The following ABHD2 variants were observed in gnomAD, a reference collection of about 807,000 sequenced individuals.
The protein encoded by ABHD2 is abhydrolase domain containing 2, acylglycerol lipase, also known as monoacylglycerol lipase ABHD2.
A neutral mutation model predicts 48.1 loss-of-function variants in ABHD2; 20 were observed. The ratio of observed to expected loss-of-function variants is 0.42; its 90% CI spans 0.29 to 0.60. The LOEUF (loss-of-function observed/expected upper bound fraction) is 0.60, where lower values mean the gene tolerates loss of function less well. ABHD2 is among the 20% of genes least tolerant of loss of function. ABHD2 has a pLI of 0.24. For missense variants in ABHD2, 405 were observed against 550.9 expected (o/e 0.74, Z 2.65); for synonymous variants, 209 against 214.2 (o/e 0.98, Z 0.21).
rs984629964 is a variant in ABHD2 at position 89,129,104 on chromosome 15, C to T, written c.194+12583C>T. ...AGTTGTTTAGCTTGGGGCTTGTCCA[C>T]AGGATGTGCACAGGGTTATGTGCAA... On this transcript the variant is annotated intron_variant, in intron 3 of 10. Transcript: ENST00000352732. 2.6e-5 allele frequency among the ~76,000 whole-genome samples: 4 copies of T among 152,078 alleles called. No individual in the cohort carries two copies. The East Asian group carries it at 7.7e-4, about 29-fold the overall frequency.
chr15:89,112,135 G>C (rs929826388), intron 1 of ABHD2, among the ~76,000 whole-genome samples: 1 of 152,056 alleles, frequency 6.6e-6, no homozygotes. Flanking sequence ...GGAGTGGTGG[G>C]GACTGTGGCC....
In ABHD2 at chr15:89,168,709, A is replaced by G. The variant is rs746433373; in HGVS notation, c.539-7103A>G. Among the ~76,000 whole-genome samples, 9 of 152,224 alleles carry G rather than the reference A, an allele frequency of 5.9e-5. No homozygotes were observed. Among genetic ancestry groups the G allele is most frequent in the Non-Finnish European group, 1.0e-4 (7 of 68,034 alleles). ...AAATCTGAGTTTTGTAACTGTCCCA[A>G]TGACATCTGAACATCTGCTCTAGGT... On this transcript the variant is annotated intron_variant, in intron 5 of 10. Transcript: ENST00000352732. This position sits in a 1 kb window ranked among gnomAD's most constrained non-coding sequence, Gnocchi z 4.8.
Position 89,176,060 on chromosome 15 carries a change from C to T in ABHD2, c.722+65C>T. On this transcript the variant is annotated intron_variant, in intron 6 of 10. Coordinates refer to ENST00000352732, the MANE Select transcript of ABHD2 (RefSeq NM_152924.5). This position sits in a 1 kb window ranked among gnomAD's most constrained non-coding sequence, Gnocchi z 4.5. ...CCTTATTTATAGAGATGCCCCGACG[C>T]ACAACACACTGTTCTGTGAAGACCG... is the stretch of plus-strand genomic sequence containing the variant. 3.4e-6 allele frequency: 5 copies of T among 1,467,796 alleles called. No homozygotes were observed. Among genetic ancestry groups the T allele is most frequent in the Non-Finnish European group, 4.6e-6 (5 of 1,084,364 alleles). The allele number at this position is 1,467,796 out of a possible 1,614,324, so 90.9% of individuals were successfully genotyped here. A position where few individuals can be genotyped will look rare whatever the true frequency, so the allele number is the denominator to read the frequency against.
chr15:89,176,283 A>G lies in ABHD2; in HGVS notation c.722+288A>G, dbSNP rs187050535. Among the ~76,000 whole-genome samples, 10 of 152,178 alleles carry G rather than the reference A, an allele frequency of 6.6e-5. No homozygotes were observed. The highest frequency in any genetic ancestry group is 4.6e-4 in the Admixed American group (7 of 15,264). On this transcript the variant is annotated intron_variant, in intron 6 of 10. Transcript: ENST00000352732. The surrounding 1 kb of genome is among the most constrained non-coding windows in gnomAD (Gnocchi z 4.5). ...TCTCCTAGGGAATCTCTGTCAGGTG[A>G]CTTAATTTGTTCAGGCTTCAGGAGT...
rs1448684467 is a variant in ABHD2, at chr15:89,114,849, G to T, written c.-7+1025G>T. 6.6e-6 allele frequency among the ~76,000 whole-genome samples: 1 copy of T among 152,182 alleles called. No individual in the cohort carries two copies. Among genetic ancestry groups the T allele is most frequent in the African/African-American group, 2.4e-5 (1 of 41,430 alleles). Reference sequence around the variant, plus strand: ...CAGTGTAGCTGAGTTTATATTCATGGCCTAGCCTTGATTTGAAATTGTGTC... The same window carrying T: ...CAGTGTAGCTGAGTTTATATTCATGTCCTAGCCTTGATTTGAAATTGTGTC... On this transcript the variant is annotated intron_variant, in intron 2 of 10. Transcript: ENST00000352732. This position sits in a 1 kb window ranked among gnomAD's most constrained non-coding sequence, Gnocchi z 4.2.
At chr15:89,086,019 T>A (rs1901338537), upstream of ABHD2, among the ~76,000 whole-genome samples, 1 of 151,962 alleles carries the variant, frequency 6.6e-6, no homozygotes, top group Non-Finnish European at 1.5e-5. Context: ...CCTCCAAAAC[T>A]AGTGACAAAT....
intron 5 of ABHD2, among the ~76,000 whole-genome samples, chr15:89,170,919 C>CA (rs1452481278): frequency 2.0e-5 from 3 of 152,052 alleles, no homozygotes; most frequent in Admixed American, 2.0e-4. Flanking sequence ...AGTTCAAGAC[C>CA]AGCCTGGCCA....
chr15:89,185,570 T>A lies in ABHD2; in HGVS notation c.815+54T>A, dbSNP rs1383578134. On this transcript the variant is annotated intron_variant, in intron 7 of 10. Transcript: ENST00000352732. This position sits in a 1 kb window ranked among gnomAD's most constrained non-coding sequence, Gnocchi z 5.9. Reference sequence around the variant, plus strand: ...GACAGACAGTTCCTTCCTGAGCTCATCTGGGAACCGTGAAAAGCCAGGACT... The same window carrying A: ...GACAGACAGTTCCTTCCTGAGCTCAACTGGGAACCGTGAAAAGCCAGGACT... 1 of 1,525,688 alleles carries A rather than the reference T, an allele frequency of 6.6e-7. No individual in the cohort carries two copies. The highest frequency in any genetic ancestry group is 9.1e-7 in the Non-Finnish European group (1 of 1,102,196). 94.5% of individuals were successfully genotyped at this position (1,525,688 alleles called of 1,614,324 possible). A position where few individuals can be genotyped will look rare whatever the true frequency, so the allele number is the denominator to read the frequency against.
At chr15:89,141,960 G>T (rs1596109014) in intron 3 of ABHD2, among the ~76,000 whole-genome samples, 2 of 152,300 alleles carry the variant, frequency 1.3e-5, no homozygotes, top group African/African-American at 2.4e-5. Flanking sequence ...GATATGTTTG[G>T]TCTCATCACA....
At chr15:89,180,420 T>G (rs546475276) in intron 6 of ABHD2, among the ~76,000 whole-genome samples, 8 of 152,196 alleles carry the variant, frequency 5.3e-5, no homozygotes, top group Non-Finnish European at 1.2e-4. Context: ...AGTCCATCTT[T>G]CTGCCCCATC....
At chr15:89,075,973 C>T in the ABHD2 span, among the ~76,000 whole-genome samples, 1 of 152,200 alleles carries the variant, frequency 6.6e-6, no homozygotes, top group Non-Finnish European at 1.5e-5. The surrounding 1 kb of genome is among the most constrained non-coding windows in gnomAD (Gnocchi z 4.1). Flanking sequence ...TCACAGTGGC[C>T]TTTGCCAGAA....
the ABHD2 span, among the ~76,000 whole-genome samples, chr15:89,042,157 G>A: frequency 6.5e-4 from 99 of 152,248 alleles, no homozygotes; most frequent in Non-Finnish European, 6.9e-4. Context: ...CATAGCTGAG[G>A]ACTCAAGGGA....
intron 3 of ABHD2, among the ~76,000 whole-genome samples, chr15:89,117,796 A>G (rs1338904312): frequency 6.6e-6 from 1 of 152,202 alleles, no homozygotes; most frequent in Non-Finnish European, 1.5e-5. Context: ...TAGGCAATGA[A>G]CATCTGAGAG....
At chr15:89,160,517 G>A (rs559635892) in intron 5 of ABHD2, among the ~76,000 whole-genome samples, 1 of 139,648 alleles carries the variant, frequency 7.2e-6, no homozygotes, top group African/African-American at 2.6e-5. Flanking sequence ...TTTTTCATTT[G>A]AACCAAAGAA....
chr15:89,147,600 G>A (rs2050516162), intron 3 of ABHD2, among the ~76,000 whole-genome samples: 1 of 151,200 alleles, frequency 6.6e-6, no homozygotes, highest in Non-Finnish European at 1.5e-5. Flanking sequence ...TGATCCGCCT[G>A]CCTCGGCCTC....
Position 89,176,117 on chromosome 15 carries a change from CT to C in ABHD2, c.722+123del. 1.8e-6 allele frequency: 2 copies of C among 1,101,990 alleles called. No individual in the cohort carries two copies. The highest frequency in any genetic ancestry group is 2.6e-6 in the Non-Finnish European group (2 of 783,362). 68.3% of individuals were successfully genotyped at this position (1,101,990 alleles called of 1,614,324 possible). On this transcript the variant is annotated intron_variant, in intron 6 of 10. Coordinates refer to ENST00000352732, the MANE Select transcript of ABHD2 (RefSeq NM_152924.5). This position sits in a 1 kb window ranked among gnomAD's most constrained non-coding sequence, Gnocchi z 4.5. ...ACTGTGGCCGACTGAGTAGAAGTTT[CT>C]GAGTCTTGGACTCACCTTGTTTTGT... is the stretch of plus-strand genomic sequence containing the variant.
the ABHD2 span, among the ~76,000 whole-genome samples, chr15:89,071,438 CAT>C: frequency 6.6e-6 from 1 of 152,064 alleles, no homozygotes; most frequent in East Asian, 1.9e-4. Flanking sequence ...AAAAAAAAGA[CAT>C]AGGGTTTTAT....
rs2051467169 is a variant in ABHD2, at chr15:89,201,730, A to G, written c.*6307A>G. Reference sequence around the variant, plus strand: ...ACTACATCTGTGAAGGGGCCTTTGAATTTGAGGTCTATGGGCGGGTCGAGG... The same window carrying G: ...ACTACATCTGTGAAGGGGCCTTTGAGTTTGAGGTCTATGGGCGGGTCGAGG... On this transcript the variant is annotated 3_prime_UTR_variant, in exon 11 of 11. Transcript: ENST00000352732. 1.3e-6 allele frequency: 2 copies of G among 1,593,920 alleles called. No homozygotes were observed. Among genetic ancestry groups the G allele is most frequent in the Non-Finnish European group, 1.7e-6 (2 of 1,161,810 alleles).
At chr15:89,119,154 G>A (rs148604107) in intron 3 of ABHD2, among the ~76,000 whole-genome samples, 1 of 152,326 alleles carries the variant, frequency 6.6e-6, no homozygotes, top group Non-Finnish European at 1.5e-5. Flanking sequence ...CTTAGCTATG[G>A]TTTGAAGGTG....
Sources: allele counts gnomAD v4.1 joint callset (sites outside exome capture counted in the v4.1 genomes callset), GRCh38; gene constraint gnomAD v4.1.1; non-coding constraint Gnocchi (gnomAD v3.1); transcripts MANE v1.5; gene names NCBI Gene and HGNC (gene_info 2026-07-23, HGNC 2026-07-21).